The following VPS54 variants were observed in gnomAD, a reference collection of about 807,000 sequenced individuals.
VPS54 encodes the protein vacuolar protein sorting-associated protein 54.
A neutral mutation model predicts 121.5 loss-of-function variants in VPS54; 45 were observed. That is an observed-to-expected ratio of 0.37 (90% CI 0.29 to 0.47). VPS54 has a LOEUF of 0.47. Ranked by LOEUF, VPS54 falls within the 20% of genes least tolerant of loss-of-function variation. The pLI is 0.99. For missense variants in VPS54, 1,090 were observed against 1,131.4 expected (o/e 0.96, Z 0.52); for synonymous variants, 371 against 385.8 (o/e 0.96, Z 0.45).
intron 20 of VPS54, among the ~76,000 whole-genome samples, chr2:63,911,069 G>T (rs1015453616): frequency 2.3e-5 from 3 of 128,554 alleles, no homozygotes; most frequent in African/African-American, 1.0e-4. Context: ...ATTCTCCACT[G>T]TTAGCTGTTT....
At chr2:63,906,288 A>G (rs111977693) in intron 20 of VPS54, among the ~76,000 whole-genome samples, 2 of 152,368 alleles carry the variant, frequency 1.3e-5, no homozygotes, top group African/African-American at 4.8e-5. Flanking sequence ...AAGAATCTAC[A>G]AAATTGGCAT....
chr2:63,939,102 A>G lies in VPS54; in HGVS notation c.1398+3363T>C, dbSNP rs993438117. Among the ~76,000 whole-genome samples the G allele has an allele frequency of 2.6e-4, 40 of 152,156 alleles. 1 individual carries two copies. Among genetic ancestry groups the G allele is most frequent in the Admixed American group, 2.0e-3 (31 of 15,266 alleles). ...GAAAATGTACCCTTTAATTTCTTTT[A>G]AAAAGTATAATACTAAATCCCTGCA... On this transcript the variant is annotated intron_variant, in intron 11 of 22. Transcript: ENST00000272322.
intron 1 of VPS54, among the ~76,000 whole-genome samples, chr2:63,984,807 G>A (rs1676965763): frequency 6.6e-6 from 1 of 152,144 alleles, no homozygotes; most frequent in South Asian, 2.1e-4. Context: ...TACAGGGTCA[G>A]GTAAGACTTT....
chr2:63,949,630 C>A (rs1428223572), intron 7 of VPS54, among the ~76,000 whole-genome samples: 1 of 151,630 alleles, frequency 6.6e-6, no homozygotes, highest in Admixed American at 6.6e-5. Flanking sequence ...GGAATCAGAT[C>A]ATCATAAAAG....
intron 1 of VPS54, among the ~76,000 whole-genome samples, chr2:63,995,174 C>T (rs1677522818): frequency 6.6e-6 from 1 of 152,224 alleles, no homozygotes; most frequent in Non-Finnish European, 1.5e-5. Context: ...CTCTCACTAT[C>T]AACGTAGATC....
chr2:63,926,320 G>A (rs1174952180), intron 12 of VPS54, among the ~76,000 whole-genome samples: 1 of 152,168 alleles, frequency 6.6e-6, no homozygotes, highest in Admixed American at 6.5e-5. Flanking sequence ...TTTTATAGCA[G>A]TTTTAGACTG....
chr2:64,018,888 T>C (rs1407809639), intron 1 of VPS54, 50 bp downstream of exon 1: 1 of 134,598 alleles, frequency 7.4e-6, no homozygotes, highest in African/African-American at 2.8e-5. Context: ...CCGCTGTAGG[T>C]CGGGGTGAGA....
chr2:63,909,725 G>T (rs75731057), intron 20 of VPS54, among the ~76,000 whole-genome samples: 172 of 115,260 alleles, frequency 1.5e-3, no homozygotes, highest in South Asian at 2.3e-3. Context: ...GCCGTTTTTG[G>T]TTTTTTTTTT....
intron 20 of VPS54, among the ~76,000 whole-genome samples, chr2:63,911,735 A>G (rs1447023956): frequency 1.3e-5 from 2 of 152,236 alleles, no homozygotes; most frequent in Non-Finnish European, 2.9e-5. Context: ...TATTCCAAAT[A>G]TGATCTTGGA....
chr2:64,006,134 T>C (rs1160387214), intron 1 of VPS54, among the ~76,000 whole-genome samples: 2 of 152,222 alleles, frequency 1.3e-5, no homozygotes, highest in African/African-American at 4.8e-5. Context: ...ATTTGTTTCA[T>C]TCACTTTCCT....
intron 2 of VPS54, among the ~76,000 whole-genome samples, chr2:63,982,150 G>T (rs571103606): frequency 6.6e-6 from 1 of 152,194 alleles, no homozygotes; most frequent in East Asian, 1.9e-4. Context: ...GAATAGTAAA[G>T]AAAGTCTTTC....
chr2:63,952,834 T>C (rs974475138), intron 7 of VPS54, among the ~76,000 whole-genome samples: 2 of 152,180 alleles, frequency 1.3e-5, no homozygotes, highest in African/African-American at 4.8e-5. Context: ...AATTTTGACC[T>C]AGGAATCTCA....
chr2:63,986,026 T>C (rs1334609962), intron 1 of VPS54, among the ~76,000 whole-genome samples: 1 of 152,232 alleles, frequency 6.6e-6, no homozygotes, highest in African/African-American at 2.4e-5. Flanking sequence ...AGATTGACCA[T>C]GTTAACTTTC....
chr2:63,893,096 A>G lies in VPS54; in HGVS notation c.*334T>C, dbSNP rs550849648. 1.3e-4 allele frequency: 35 copies of G among 270,304 alleles called. No individual in the cohort carries two copies. Among genetic ancestry groups the G allele is most frequent in the African/African-American group, 7.0e-4 (32 of 45,554 alleles). The allele number at this position is 270,304 out of a possible 1,614,324, so 16.7% of individuals were successfully genotyped here. ...AGAAATGCAAAGCATTTTTTAATATAAAGTATACAGAGCATTCTAGTCAAC... is the reference window on the plus strand; with the variant it reads ...AGAAATGCAAAGCATTTTTTAATATGAAGTATACAGAGCATTCTAGTCAAC... On this transcript the variant is annotated 3_prime_UTR_variant, in exon 23 of 23. Coordinates refer to ENST00000272322, the MANE Select transcript of VPS54 (RefSeq NM_016516.3).
At chr2:63,953,981 T>A (rs1328987883) in intron 7 of VPS54, among the ~76,000 whole-genome samples, 1 of 152,194 alleles carries the variant, frequency 6.6e-6, no homozygotes, top group Non-Finnish European at 1.5e-5. Flanking sequence ...TTTTTCCTCT[T>A]CTTTTCCTTA....
intron 11 of VPS54, among the ~76,000 whole-genome samples, chr2:63,937,962 T>A (rs977963838): frequency 6.6e-6 from 1 of 152,020 alleles, no homozygotes; most frequent in African/African-American, 2.4e-5. Context: ...GTGCACAGCA[T>A]GAGTGCTCTA....
At chr2:64,003,090 A>C (rs1677960808) in intron 1 of VPS54, among the ~76,000 whole-genome samples, 1 of 152,232 alleles carries the variant, frequency 6.6e-6, no homozygotes, top group Admixed American at 6.5e-5. Flanking sequence ...TGAAAGGCTA[A>C]AGAACAAAAA....
chr2:63,917,554 A>G (rs1347460497), intron 15 of VPS54, among the ~76,000 whole-genome samples: 1 of 152,016 alleles, frequency 6.6e-6, no homozygotes, highest in African/African-American at 2.4e-5. Context: ...AGTGGACTGG[A>G]TTTTATCCTG....
chr2:64,013,627 T>C, intron 1 of VPS54, among the ~76,000 whole-genome samples: 1 of 146,104 alleles, frequency 6.8e-6, no homozygotes, highest in South Asian at 2.1e-4. Flanking sequence ...TCAGCATTTA[T>C]ATATAAATAT....
Sources: gnomAD v4.1 joint callset for allele counts (sites outside exome capture counted in the v4.1 genomes callset) on GRCh38, gnomAD v4.1.1 for gene constraint, MANE v1.5 for transcripts, NCBI Gene and HGNC (gene_info 2026-07-23, HGNC 2026-07-21) for gene names.